The following RIC8B variants were observed in gnomAD, a reference collection of about 807,000 sequenced individuals.
The protein encoded by RIC8B is RIC8 guanine nucleotide exchange factor B.
In RIC8B, 16 loss-of-function variants were observed where a neutral mutation model predicts 57.5. The ratio of observed to expected loss-of-function variants is 0.28; its 90% CI spans 0.19 to 0.42. The LOEUF is 0.42. Ranked by LOEUF, RIC8B falls within the 10% of genes least tolerant of loss-of-function variation. The probability of loss-of-function intolerance (pLI) is 1.00; values close to 1 mark genes in which losing one functional copy is unlikely to be tolerated. For missense variants in RIC8B, 481 were observed against 677.0 expected (o/e 0.71, Z 3.21); for synonymous variants, 216 against 250.8 (o/e 0.86, Z 1.31).
intron 5 of RIC8B, among the ~76,000 whole-genome samples, 170 bp from the exon 6 acceptor site, chr12:106,843,682 G>T (rs377592290): frequency 7.6e-6 from 1 of 131,790 alleles, no homozygotes. Context: ...AGATTGCGCC[G>T]CTGCACTCCA....
intron 4 of RIC8B, among the ~76,000 whole-genome samples, chr12:106,840,349 A>G (rs575505693): frequency 6.6e-6 from 1 of 152,194 alleles, no homozygotes; most frequent in Admixed American, 6.5e-5. Flanking sequence ...GGCTGGGAGC[A>G]TGAGCGGGAG....
chr12:106,818,842 C>T (rs187023418), intron 3 of RIC8B, among the ~76,000 whole-genome samples: 8 of 152,222 alleles, frequency 5.3e-5, no homozygotes, highest in East Asian at 1.9e-4. Flanking sequence ...TCTTGGCTCA[C>T]GGCAACCTCT....
intron 3 of RIC8B, chr12:106,822,478 C>T (rs558337304): frequency 6.6e-6 from 1 of 152,264 alleles, no homozygotes; most frequent in East Asian, 1.9e-4. Flanking sequence ...TCAAGATAGC[C>T]CCAAGCTGGA....
intron 8 of RIC8B, among the ~76,000 whole-genome samples, chr12:106,868,078 G>A (rs1398505342): frequency 6.6e-6 from 1 of 152,176 alleles, no homozygotes; most frequent in Non-Finnish European, 1.5e-5. Flanking sequence ...ATGTAAAACA[G>A]ACTTAATTTC....
At chr12:106,881,901 C>G (rs937939684) in intron 9 of RIC8B, among the ~76,000 whole-genome samples, 4 of 152,176 alleles carry the variant, frequency 2.6e-5, no homozygotes, top group Non-Finnish European at 5.9e-5. Flanking sequence ...TACTCCCAGA[C>G]AGGACAAGAA....
chr12:106,833,326 G>T (rs893647116), intron 4 of RIC8B, among the ~76,000 whole-genome samples: 9 of 152,086 alleles, frequency 5.9e-5, no homozygotes, highest in Non-Finnish European at 1.0e-4. Flanking sequence ...TATCAGCTGG[G>T]CGTGGTGGCT....
At chr12:106,806,236 T>C (rs960823692) in intron 2 of RIC8B, among the ~76,000 whole-genome samples, 3 of 152,156 alleles carry the variant, frequency 2.0e-5, no homozygotes, top group African/African-American at 7.2e-5. Context: ...CATGAGCCAC[T>C]GTGCCTGTCC....
At position 106,831,056 on chromosome 12, in the gene RIC8B, C is replaced by CT. The variant is rs2046332877; in HGVS notation, c.836+5237dup. 5.3e-5 allele frequency among the ~76,000 whole-genome samples: 8 copies of CT among 152,312 alleles called. No individual in the cohort carries two copies. In the South Asian group the frequency reaches 1.7e-3, roughly 32 times the overall value. ...CTGATGATTCCTTTTTCTCCTATCT[C>CT]TAAGTCCTCTTATAGATTTCCTTTC... is the stretch of plus-strand genomic sequence containing the variant. On this transcript the variant is annotated intron_variant, in intron 4 of 9. Transcript: ENST00000392837.
Position 106,860,324 on chromosome 12 carries a change from AG to A in RIC8B, c.1367del (p.Gly456AlafsTer37). 1 of 1,609,200 alleles carries A rather than the reference AG, an allele frequency of 6.2e-7. No homozygotes were observed. The highest frequency in any genetic ancestry group is 8.5e-7 in the Non-Finnish European group (1 of 1,177,508). On this transcript the variant is annotated frameshift_variant, in exon 8 of 10. Coordinates refer to ENST00000392837, the MANE Select transcript of RIC8B (RefSeq NM_001330145.2). LOFTEE classifies it high-confidence loss of function. Reference sequence around the variant, plus strand: ...GAATGCTGCAGGACTGTTGGCGGCCAGGGGCCTCTTGGCTGGAGGAAGAGGA... The same window carrying A: ...GAATGCTGCAGGACTGTTGGCGGCCAGGGCCTCTTGGCTGGAGGAAGAGGA... The part of the protein sequence containing the change: ...YGNAAGLLAA[R>X]GLLAGGRGDN...
At chr12:106,793,968 G>A (rs80057319) in intron 2 of RIC8B, among the ~76,000 whole-genome samples, 2,734 of 152,114 alleles carry the variant, frequency 0.018, 45 homozygotes, top group Middle Eastern at 0.048. Flanking sequence ...AAAACTGCCT[G>A]TATGACCAGA....
chr12:106,796,717 T>G (rs2044499832), intron 2 of RIC8B, among the ~76,000 whole-genome samples: 1 of 152,214 alleles, frequency 6.6e-6, no homozygotes, highest in Non-Finnish European at 1.5e-5. Context: ...GTTAAAATAC[T>G]TTTGTGCTTT....
intron 2 of RIC8B, among the ~76,000 whole-genome samples, chr12:106,789,510 A>G (rs2044176671): frequency 6.6e-6 from 1 of 152,140 alleles, no homozygotes; most frequent in South Asian, 2.1e-4. Context: ...AAAATTCCAC[A>G]TGGCTGGGGA....
At chr12:106,778,573 C>A (rs1487508254) in intron 1 of RIC8B, among the ~76,000 whole-genome samples, 1 of 151,860 alleles carries the variant, frequency 6.6e-6, no homozygotes, top group African/African-American at 2.4e-5. Context: ...TATATTAATT[C>A]CTCTTATATT....
intron 2 of RIC8B, among the ~76,000 whole-genome samples, chr12:106,808,929 A>G (rs1321621214): frequency 2.0e-5 from 3 of 152,122 alleles, no homozygotes; most frequent in African/African-American, 7.2e-5. Flanking sequence ...TTCATAGCCT[A>G]TTTTGTTTCA....
chr12:106,803,458 A>G (rs1672302801), intron 2 of RIC8B, among the ~76,000 whole-genome samples: 1 of 152,150 alleles, frequency 6.6e-6, no homozygotes, highest in South Asian at 2.1e-4. Context: ...GACTGTAGTT[A>G]TCCTAGGTTA....
chr12:106,873,154 CCAG>C (rs1399899007), intron 9 of RIC8B: 1 of 985,348 alleles, frequency 1.0e-6, no homozygotes, highest in Non-Finnish European at 1.2e-6. Context: ...CCGGAAGTAC[CCAG>C]CAGATGCCCA....
chr12:106,817,666 A>T (rs897193358), intron 3 of RIC8B, among the ~76,000 whole-genome samples: 1 of 151,958 alleles, frequency 6.6e-6, no homozygotes, highest in South Asian at 2.1e-4. Flanking sequence ...AAAAAAAAAA[A>T]TACAAAAAAT....
intron 3 of RIC8B, among the ~76,000 whole-genome samples, chr12:106,817,947 A>G (rs1463967234): frequency 6.6e-6 from 1 of 152,228 alleles, no homozygotes; most frequent in Non-Finnish European, 1.5e-5. Context: ...AGTTTACTTC[A>G]ATTGGGCAAG....
At chr12:106,876,251 A>C (rs1051706876) in intron 9 of RIC8B, among the ~76,000 whole-genome samples, 1 of 152,110 alleles carries the variant, frequency 6.6e-6, no homozygotes, top group Non-Finnish European at 1.5e-5. Flanking sequence ...TACTCACTAG[A>C]TTTCAGAGAC....
Sources: allele counts gnomAD v4.1 joint callset (sites outside exome capture counted in the v4.1 genomes callset), GRCh38; gene constraint gnomAD v4.1.1; transcripts MANE v1.5; gene names NCBI Gene and HGNC (gene_info 2026-07-23, HGNC 2026-07-21).